Variants in SLC9A2 observed in about 807,000 individuals in gnomAD.
SLC9A2 encodes the protein sodium/hydrogen exchanger 2.
A neutral mutation model predicts 71.7 loss-of-function variants in SLC9A2; 42 were observed. The observed-to-expected ratio is 0.59, with a 90% CI of 0.46 to 0.76. The LOEUF (loss-of-function observed/expected upper bound fraction) is 0.76, where lower values mean the gene tolerates loss of function less well. Among genes scored for constraint, SLC9A2 ranks in the 30% least tolerant of loss-of-function variants. The pLI is 0.00. For synonymous variants in SLC9A2, 396 were observed against 392.5 expected (o/e 1.01, Z -0.10); for missense variants, 829 against 1,017.4 (o/e 0.81, Z 2.52).
chr2:102,635,016 CA>C (rs1676441671), intron 1 of SLC9A2, among the ~76,000 whole-genome samples: 1 of 152,208 alleles, frequency 6.6e-6, no homozygotes, highest in African/African-American at 2.4e-5. Flanking sequence ...CGTTGTTCAG[CA>C]GTTGCTTTCC....
At chr2:102,649,186 T>C (rs1676785548) in intron 1 of SLC9A2, among the ~76,000 whole-genome samples, 1 of 152,228 alleles carries the variant, frequency 6.6e-6, no homozygotes, top group Non-Finnish European at 1.5e-5. Context: ...TACAACCATC[T>C]GATCTTCGAC....
chr2:102,631,588 T>C (rs1387602697), intron 1 of SLC9A2, among the ~76,000 whole-genome samples: 1 of 152,084 alleles, frequency 6.6e-6, no homozygotes, highest in Admixed American at 6.6e-5. Flanking sequence ...TGTAGTAGTA[T>C]GAGGAGACAC....
chr2:102,635,341 G>A (rs1220741262), intron 1 of SLC9A2, among the ~76,000 whole-genome samples: 1 of 152,230 alleles, frequency 6.6e-6, no homozygotes, highest in Non-Finnish European at 1.5e-5. Flanking sequence ...GCTTACTTAG[G>A]AAAATGGCAG....
chr2:102,674,645 G>C (rs984396874), intron 3 of SLC9A2, among the ~76,000 whole-genome samples: 6 of 152,206 alleles, frequency 3.9e-5, no homozygotes, highest in African/African-American at 1.4e-4. Flanking sequence ...CAGGAGCCCA[G>C]CTGAAACAGT....
intron 5 of SLC9A2, chr2:102,686,549 C>T (rs1200774613): frequency 6.6e-6 from 1 of 152,210 alleles, no homozygotes; most frequent in Non-Finnish European, 1.5e-5. Flanking sequence ...TTATCAACAC[C>T]TTTCTGCTTT....
At chr2:102,673,480 A>C (rs17027702) in intron 3 of SLC9A2, among the ~76,000 whole-genome samples, 8,914 of 152,212 alleles carry the variant, frequency 0.059, 505 homozygotes, top group African/African-American at 0.15. Flanking sequence ...GACAAGAAAA[A>C]ACTTGATATT....
chr2:102,690,492 T>A lies in SLC9A2; in HGVS notation c.1426-3922T>A, dbSNP rs1677638375. Among the ~76,000 whole-genome samples, 6 of 152,260 alleles carry A rather than the reference T, an allele frequency of 3.9e-5. No individual in the cohort carries two copies. The South Asian group carries it at 1.2e-3, about 32-fold the overall frequency. On this transcript the variant is annotated intron_variant, in intron 5 of 11. Coordinates refer to ENST00000233969, the MANE Select transcript of SLC9A2 (RefSeq NM_003048.6). ...AGGTGGATATCTGTCACAGGATGGT[T>A]TTTGTTTCTGATTTTCGAAGATGGG...
chr2:102,675,614 A>G (rs568462788), intron 3 of SLC9A2, among the ~76,000 whole-genome samples: 79 of 152,098 alleles, frequency 5.2e-4, no homozygotes, highest in African/African-American at 1.9e-3. Context: ...CTAGGTAGAG[A>G]CTCAGACAGG....
intron 5 of SLC9A2, among the ~76,000 whole-genome samples, chr2:102,688,160 A>G (rs1335232671): frequency 6.6e-6 from 1 of 152,144 alleles, no homozygotes; most frequent in Non-Finnish European, 1.5e-5. Flanking sequence ...TGGTAATGTT[A>G]TTTATATCAA....
rs968540833 is a variant in SLC9A2, at chr2:102,711,047, A to G, written c.*2558A>G. The G allele has an allele frequency of 1.3e-5, 2 of 152,366 alleles. No homozygotes were observed. The highest frequency in any genetic ancestry group is 2.9e-5 in the Non-Finnish European group (2 of 68,040). The allele number at this position is 152,366 out of a possible 1,614,324, so 9.4% of individuals were successfully genotyped here. On this transcript the variant is annotated 3_prime_UTR_variant, in exon 12 of 12. Coordinates refer to ENST00000233969, the MANE Select transcript of SLC9A2 (RefSeq NM_003048.6). ...TTTTAAAAGCATGTGTTTTGTGTAT[A>G]TGCTCACAAAATGTCTGTGAAGAGA...
chr2:102,660,989 C>A (rs773276357), intron 2 of SLC9A2, among the ~76,000 whole-genome samples: 1 of 152,004 alleles, frequency 6.6e-6, no homozygotes, highest in Non-Finnish European at 1.5e-5. Context: ...AAAGCTGAAG[C>A]GAAGAAAACT....
At chr2:102,677,316 G>A (rs1426242723) in intron 3 of SLC9A2, among the ~76,000 whole-genome samples, 1 of 152,080 alleles carries the variant, frequency 6.6e-6, no homozygotes. Flanking sequence ...AAACTCTTTT[G>A]AGGTAGTGTC....
chr2:102,658,646 T>G (rs1333960203), intron 2 of SLC9A2, among the ~76,000 whole-genome samples: 2 of 151,918 alleles, frequency 1.3e-5, no homozygotes, highest in Non-Finnish European at 2.9e-5. Context: ...TGAGTGTTTA[T>G]TCAGAAGGCA....
chr2:102,624,156 T>A (rs1676198627), intron 1 of SLC9A2, among the ~76,000 whole-genome samples: 1 of 152,186 alleles, frequency 6.6e-6, no homozygotes, highest in Non-Finnish European at 1.5e-5. Flanking sequence ...ATGATGAGTA[T>A]GTGCTTATGA....
At chr2:102,638,400 C>T (rs1676511116) in intron 1 of SLC9A2, among the ~76,000 whole-genome samples, 1 of 152,144 alleles carries the variant, frequency 6.6e-6, no homozygotes, top group African/African-American at 2.4e-5. Flanking sequence ...CATACTCTGA[C>T]CATTGACAAA....
chr2:102,690,513 A>G (rs919290756), intron 5 of SLC9A2, among the ~76,000 whole-genome samples: 10 of 152,176 alleles, frequency 6.6e-5, no homozygotes, highest in Admixed American at 2.0e-4. Context: ...ATTTTCGAAG[A>G]TGGGAGCACG....
chr2:102,701,766 T>C (rs1374337540), intron 8 of SLC9A2, among the ~76,000 whole-genome samples: 1 of 152,304 alleles, frequency 6.6e-6, no homozygotes, highest in Non-Finnish European at 1.5e-5. Flanking sequence ...ACATTATTTA[T>C]AGTATGAGAG....
rs754131447 is a variant in SLC9A2, at chr2:102,694,409, T to C, written c.1426-5T>C. The C allele has an allele frequency of 7.2e-7, 1 of 1,387,340 alleles. No individual in the cohort carries two copies. Among genetic ancestry groups the C allele is most frequent in the South Asian group, 1.7e-5 (1 of 58,328 alleles). The allele number at this position is 1,387,340 out of a possible 1,614,324, so 85.9% of individuals were successfully genotyped here. Reference sequence around the variant, plus strand: ...TGAAATGCTTAAATTGTGTTTCCTGTTCAGGGAATAACTATTCGACCACTG... The same window carrying C: ...TGAAATGCTTAAATTGTGTTTCCTGCTCAGGGAATAACTATTCGACCACTG... On this transcript the variant is annotated splice_region_variant and splice_polypyrimidine_tract_variant and intron_variant, in intron 5 of 11. Transcript: ENST00000233969.
At chr2:102,656,927 G>A (rs1357500387) in intron 1 of SLC9A2, among the ~76,000 whole-genome samples, 2 of 152,086 alleles carry the variant, frequency 1.3e-5, no homozygotes, top group East Asian at 1.9e-4. Context: ...AAATTGCACC[G>A]GGTGCAGTTA....
Sources: allele counts gnomAD v4.1 joint callset (sites outside exome capture counted in the v4.1 genomes callset), GRCh38; gene constraint gnomAD v4.1.1; transcripts MANE v1.5; gene names NCBI Gene and HGNC (gene_info 2026-07-23, HGNC 2026-07-21).